ARL10: variants seen among roughly 807,000 people sequenced by gnomAD.
ARL10 encodes the protein ADP-ribosylation factor-like protein 10.
Under a neutral mutation model 26.1 loss-of-function variants are expected in ARL10, and 23 were observed. The observed-to-expected ratio is 0.88, with a 90% CI of 0.63 to 1.25. ARL10 has a LOEUF of 1.25. Among genes scored for constraint, ARL10 ranks in the 50% most tolerant of loss-of-function variants. ARL10 has a pLI of 0.00. For synonymous variants in ARL10, 138 were observed against 149.1 expected, an observed-to-expected ratio of 0.93 and a Z score of 0.54; for missense variants, 300 against 323.6, an observed-to-expected ratio of 0.93 and a Z score of 0.56.
At chr5:176,389,459 C>T, downstream of ARL10, 2 of 1,614,076 alleles carry the variant, frequency 1.2e-6, no homozygotes, top group Non-Finnish European at 1.7e-6. Flanking sequence ...AGCCATCTTG[C>T]TGGGTCTGGC....
chr5:176,371,337 C>T (rs1217397281), intron 3 of ARL10, among the ~76,000 whole-genome samples: 3 of 152,282 alleles, frequency 2.0e-5, no homozygotes, highest in East Asian at 3.9e-4. Context: ...GAGCCAAGAT[C>T]GTGCCACTGC....
At chr5:176,369,230 TTTTG>T (rs956853452) in intron 3 of ARL10, 9 of 1,472,968 alleles carry the variant, frequency 6.1e-6, no homozygotes, top group South Asian at 4.9e-5. Context: ...AGGCATGGTG[TTTTG>T]TTTTTGTTTT....
intron 2 of ARL10, chr5:176,367,819 C>T (rs368650967): frequency 2.0e-6 from 1 of 499,478 alleles, no homozygotes; most frequent in Non-Finnish European, 3.9e-6. Context: ...CAGCCACTTT[C>T]CCTTTTTTCT....
rs539483898 is a variant in ARL10 at position 176,368,894 on chromosome 5, G to A, written c.473G>A (p.Arg158Gln). The change falls in exon 3 of 4, where the codon CGA (arginine) becomes CAA (glutamine). Residue 158 changes from arginine to glutamine, a missense_variant. Arg to Gln is a conservative substitution (Grantham distance 43). Coordinates refer to ENST00000310389, the MANE Select transcript of ARL10 (RefSeq NM_173664.6). The surrounding 1 kb of genome is among the most constrained non-coding windows in gnomAD (Gnocchi z 4.1). Reference sequence around the variant, plus strand: ...GTGTTTGTGGTGGACTCGGCTGACCGACTGCGGCTGCCCTGGGCCCGACAG... The same window carrying A: ...GTGTTTGTGGTGGACTCGGCTGACCAACTGCGGCTGCCCTGGGCCCGACAG... ...VLVFVVDSADRLRLPWARQEL... is the reference protein window; with the variant it reads ...VLVFVVDSADQLRLPWARQEL... The A allele has an allele frequency of 1.7e-5, 27 of 1,614,040 alleles. No homozygotes were observed. Among genetic ancestry groups the A allele is most frequent in the African/African-American group, 5.3e-5 (4 of 74,952 alleles).
Position 176,371,984 on chromosome 5 carries a change from C to T in ARL10, c.*89C>T. Reference sequence around the variant, plus strand: ...GCCAGACTGGGCCTGGGGCAAGAGCCACATGGCAGCATTTCCCTTTTCCCC... The same window carrying T: ...GCCAGACTGGGCCTGGGGCAAGAGCTACATGGCAGCATTTCCCTTTTCCCC... On this transcript the variant is annotated 3_prime_UTR_variant, in exon 4 of 4. Transcript: ENST00000310389. 6.6e-7 allele frequency: 1 copy of T among 1,505,584 alleles called. No homozygotes were observed. Among genetic ancestry groups the T allele is most frequent in the Non-Finnish European group, 8.9e-7 (1 of 1,124,974 alleles). The allele number at this position is 1,505,584 out of a possible 1,614,324, so 93.3% of individuals were successfully genotyped here.
At chr5:176,407,173 C>A in the ARL10 span, among the ~76,000 whole-genome samples, 1 of 152,100 alleles carries the variant, frequency 6.6e-6, no homozygotes, top group Non-Finnish European at 1.5e-5. Context: ...AGGGAGAAGG[C>A]GGGGGGCCAA....
chr5:176,398,991 C>T (rs930856502), intron 1 of ARL10, among the ~76,000 whole-genome samples: 14 of 151,814 alleles, frequency 9.2e-5, no homozygotes, highest in African/African-American at 2.7e-4. Flanking sequence ...TACAGGCACA[C>T]GTCACGACAC....
chr5:176,374,427 T>C lies in ARL10; in HGVS notation c.*2532T>C, dbSNP rs1768632428. ...GTTACTCTAACCGTAATGAGACCATTTGAGGTACAAAGGATGACTGCATTG... is the reference window on the plus strand; with the variant it reads ...GTTACTCTAACCGTAATGAGACCATCTGAGGTACAAAGGATGACTGCATTG... On this transcript the variant is annotated 3_prime_UTR_variant, in exon 4 of 4. Transcript: ENST00000310389. 6.6e-6 allele frequency: 1 copy of C among 152,234 alleles called. No individual in the cohort carries two copies. The highest frequency in any genetic ancestry group is 1.5e-5 in the Non-Finnish European group (1 of 68,044). The allele number at this position is 152,234 out of a possible 1,614,324, so 9.4% of individuals were successfully genotyped here. A position where few individuals can be genotyped will look rare whatever the true frequency, so the allele number is the denominator to read the frequency against.
downstream of ARL10, among the ~76,000 whole-genome samples, chr5:176,391,161 C>T (rs958131883): frequency 1.3e-5 from 2 of 152,186 alleles, no homozygotes; most frequent in Non-Finnish European, 2.9e-5. Flanking sequence ...ACCATGTTCT[C>T]TCAGCTTTGA....
At chr5:176,390,286 T>A (rs1756216310), downstream of ARL10, among the ~76,000 whole-genome samples, 1 of 151,864 alleles carries the variant, frequency 6.6e-6, no homozygotes, top group Non-Finnish European at 1.5e-5. Context: ...AGCCAGCAGT[T>A]TTTCAGACTT....
chr5:176,369,163 A>G (rs911145358), intron 3 of ARL10, 181 bp downstream of exon 3: 5 of 1,533,272 alleles, frequency 3.3e-6, no homozygotes, highest in Non-Finnish European at 4.4e-6. Context: ...TTGCCTCCCT[A>G]TCATCTCGTA....
chr5:176,384,113 T>G (rs1457142844), downstream of ARL10: 1 of 1,609,026 alleles, frequency 6.2e-7, no homozygotes, highest in Non-Finnish European at 8.5e-7. Flanking sequence ...ACCTTCTGAT[T>G]CCATGGGACC....
intron 1 of ARL10, 114 bp from the exon 2 acceptor site, chr5:176,366,266 C>T: frequency 1.6e-6 from 2 of 1,278,976 alleles, no homozygotes; most frequent in Non-Finnish European, 2.1e-6. Flanking sequence ...ACCATGCCTG[C>T]CTGTCCCAGG....
At chr5:176,386,487 T>C, downstream of ARL10, 2 of 367,694 alleles carry the variant, frequency 5.4e-6, no homozygotes, top group Admixed American at 3.7e-5. Flanking sequence ...GATTTTGTCA[T>C]TGGAACATTT....
rs1392777312 is a variant in ARL10 at position 176,396,452 on chromosome 5, C to T, written c.134-5289C>T. 3 of 1,601,934 alleles carry T rather than the reference C, an allele frequency of 1.9e-6. No individual in the cohort carries two copies. In the Admixed American group the frequency reaches 5.0e-5, roughly 27 times the overall value. ...GTGGCCATTCCCTCTCTAGCTCCCC[C>T]AACAGAGAAGCAAAACAGACACGTA... On this transcript the variant is annotated intron_variant, in intron 1 of 1. Transcript: ENST00000514533.
intron 1 of ARL10, chr5:176,387,058 G>T: frequency 1.6e-6 from 1 of 628,192 alleles, no homozygotes; most frequent in Non-Finnish European, 2.8e-6. Context: ...ATGCCCTGGA[G>T]GCTTTTTCTC....
At chr5:176,388,400 G>T in exon 2 of ARL10, 1 of 1,612,860 alleles carries the variant, frequency 6.2e-7, no homozygotes, top group African/African-American at 1.3e-5. Context: ...CCCGGCCGAG[G>T]CCCACGGCCA....
intron 1 of ARL10, 118 bp from the exon 2 acceptor site, chr5:176,366,262 C>T: frequency 8.0e-7 from 1 of 1,246,510 alleles, no homozygotes; most frequent in Non-Finnish European, 1.1e-6. Context: ...CCAGACCATG[C>T]CTGCCTGTCC....
chr5:176,371,130 T>G (rs1026835625), intron 3 of ARL10, among the ~76,000 whole-genome samples: 1 of 152,074 alleles, frequency 6.6e-6, no homozygotes, highest in South Asian at 2.1e-4. Flanking sequence ...ATCCCAGCAC[T>G]TTGGGAGGCT....
Sources: gnomAD v4.1 joint callset for allele counts (sites outside exome capture counted in the v4.1 genomes callset) on GRCh38, gnomAD v4.1.1 for gene constraint, Gnocchi (gnomAD v3.1) non-coding constraint, MANE v1.5 for transcripts, NCBI Gene and HGNC (gene_info 2026-07-23, HGNC 2026-07-21) for gene names.